BMPR1B: variants seen among roughly 807,000 people sequenced by gnomAD.
BMPR1B encodes bone morphogenetic protein receptor type-1B.
Under a neutral mutation model 59.1 loss-of-function variants are expected in BMPR1B, and 12 were observed. That is an observed-to-expected ratio of 0.20 (90% confidence interval 0.13 to 0.33). The LOEUF (loss-of-function observed/expected upper bound fraction) is 0.33, where lower values mean the gene tolerates loss of function less well. BMPR1B is among the 10% of genes least tolerant of loss of function. BMPR1B has a pLI of 1.00. For missense variants in BMPR1B, 550 were observed against 610.9 expected (o/e 0.90, Z 1.05); for synonymous variants, 237 against 207.3 (o/e 1.14, Z -1.23).
intron 1 of BMPR1B, among the ~76,000 whole-genome samples, chr4:94,782,502 T>G: frequency 6.6e-6 from 1 of 151,922 alleles, no homozygotes. Flanking sequence ...GCTGAGGTTT[T>G]GCCATGTTGC....
chr4:95,043,506 T>C (rs576089568), intron 3 of BMPR1B, among the ~76,000 whole-genome samples: 1 of 152,372 alleles, frequency 6.6e-6, no homozygotes, highest in East Asian at 1.9e-4. Flanking sequence ...CCTTTGTGTC[T>C]AATCTTCTTA....
chr4:94,803,450 G>T (rs764465361), intron 1 of BMPR1B, among the ~76,000 whole-genome samples: 7 of 152,182 alleles, frequency 4.6e-5, no homozygotes, highest in African/African-American at 9.6e-5. Flanking sequence ...TGGAGCTCCG[G>T]TGAGTAGGGT....
intron 3 of BMPR1B, among the ~76,000 whole-genome samples, chr4:95,075,197 G>A (rs1391026814): frequency 6.6e-6 from 1 of 151,982 alleles, no homozygotes; most frequent in Non-Finnish European, 1.5e-5. Context: ...TAATAATTAG[G>A]CATAGTTTCC....
intron 3 of BMPR1B, among the ~76,000 whole-genome samples, chr4:95,049,528 C>A (rs1247298231): frequency 7.6e-6 from 1 of 131,762 alleles, no homozygotes; most frequent in Non-Finnish European, 1.6e-5. Flanking sequence ...CAATTTGGTT[C>A]CACTCTGTCT....
chr4:95,142,092 C>A (rs918990804), intron 10 of BMPR1B, among the ~76,000 whole-genome samples: 1 of 152,118 alleles, frequency 6.6e-6, no homozygotes, highest in Non-Finnish European at 1.5e-5. Flanking sequence ...CTTTTTAGTT[C>A]TAAAGTTCTG....
intron 2 of BMPR1B, among the ~76,000 whole-genome samples, chr4:94,985,509 CTGTGTGTGTG>C (rs60003954): frequency 0.1 from 13,943 of 138,724 alleles, 762 homozygotes; most frequent in Admixed American, 0.18. Context: ...AAAATAAGAG[CTGTGTGTGTG>C]TGTGTGTGTG....
chr4:95,096,090 TATAAA>T, intron 3 of BMPR1B, among the ~76,000 whole-genome samples: 1 of 150,362 alleles, frequency 6.7e-6, no homozygotes, highest in East Asian at 1.9e-4. Context: ...TATATAATAA[TATAAA>T]ATAATATAGA....
intron 1 of BMPR1B, among the ~76,000 whole-genome samples, chr4:94,762,961 A>G (rs988530360): frequency 6.6e-6 from 1 of 151,824 alleles, no homozygotes; most frequent in Non-Finnish European, 1.5e-5. Flanking sequence ...TTCAGACCTC[A>G]GCACCTTCTT....
rs141532020 is a variant in BMPR1B at position 94,929,195 on chromosome 4, T to C, written c.-113+53295T>C. ...ATTTCCACTGAGATTTTGGTTACAG[T>C]CAAAGCCGTCGTTAAACATTTGTTT... On this transcript the variant is annotated intron_variant, in intron 2 of 12. Coordinates refer to ENST00000515059, the MANE Select transcript of BMPR1B (RefSeq NM_001203.3). Among the ~76,000 whole-genome samples the C allele has an allele frequency of 3.1e-3, 477 of 152,194 alleles. 2 individuals carry two copies. Among genetic ancestry groups the C allele is most frequent in the Middle Eastern group, 0.024 (7 of 294 alleles).
chr4:94,834,701 G>C (rs1427083102), intron 1 of BMPR1B, among the ~76,000 whole-genome samples: 1 of 152,130 alleles, frequency 6.6e-6, no homozygotes, highest in African/African-American at 2.4e-5. Context: ...CAGGATGGGA[G>C]TGTTTTACAC....
intron 3 of BMPR1B, among the ~76,000 whole-genome samples, chr4:95,027,228 G>C (rs746066422): frequency 6.6e-6 from 1 of 152,086 alleles, no homozygotes; most frequent in Admixed American, 6.6e-5. Context: ...AAATTTAAAA[G>C]AACTTGTTTC....
At chr4:95,092,381 A>C (rs1001844834) in intron 3 of BMPR1B, among the ~76,000 whole-genome samples, 7 of 152,064 alleles carry the variant, frequency 4.6e-5, no homozygotes, top group African/African-American at 1.7e-4. Context: ...GCAGATTTTA[A>C]ACAGTTTTCT....
chr4:94,850,868 A>G (rs550858294), intron 1 of BMPR1B, among the ~76,000 whole-genome samples: 1 of 152,264 alleles, frequency 6.6e-6, no homozygotes, highest in Admixed American at 6.5e-5. Context: ...CTCTTGGAAT[A>G]TGCTTGCATT....
chr4:95,112,667 AT>A (rs1330144795), intron 4 of BMPR1B, among the ~76,000 whole-genome samples: 2 of 151,874 alleles, frequency 1.3e-5, no homozygotes, highest in African/African-American at 4.8e-5. Flanking sequence ...GGAAGGGACT[AT>A]TTTCTCAGGG....
intron 2 of BMPR1B, among the ~76,000 whole-genome samples, chr4:94,958,043 C>G (rs1198917165): frequency 6.6e-6 from 1 of 152,118 alleles, no homozygotes; most frequent in Admixed American, 6.6e-5. Flanking sequence ...GTCCATCCAT[C>G]GTTTATCAGC....
At chr4:94,767,732 A>T (rs1008803662) in intron 1 of BMPR1B, among the ~76,000 whole-genome samples, 1 of 152,076 alleles carries the variant, frequency 6.6e-6, no homozygotes, top group African/African-American at 2.4e-5. Flanking sequence ...TTTATGTTTG[A>T]TTATGTTTTT....
At chr4:94,775,302 T>A (rs1202544707) in intron 1 of BMPR1B, among the ~76,000 whole-genome samples, 1 of 152,218 alleles carries the variant, frequency 6.6e-6, no homozygotes, top group Non-Finnish European at 1.5e-5. Flanking sequence ...GAGATTCTCC[T>A]ACTAAAACAG....
At chr4:95,046,794 C>T (rs1056370560) in intron 3 of BMPR1B, among the ~76,000 whole-genome samples, 2 of 152,176 alleles carry the variant, frequency 1.3e-5, no homozygotes, top group African/African-American at 4.8e-5. Context: ...TATAAATTAA[C>T]TTGCAAAATT....
chr4:94,761,179 CT>C (rs1301477807), intron 1 of BMPR1B, among the ~76,000 whole-genome samples: 1 of 152,152 alleles, frequency 6.6e-6, no homozygotes, highest in African/African-American at 2.4e-5. Context: ...CTGAAGATTT[CT>C]TTTCATGTCA....
Sources: gnomAD v4.1 joint callset for allele counts (sites outside exome capture counted in the v4.1 genomes callset) on GRCh38, gnomAD v4.1.1 for gene constraint, MANE v1.5 for transcripts, NCBI Gene and HGNC (gene_info 2026-07-23, HGNC 2026-07-21) for gene names.